Variants in CNTN4 observed in about 807,000 individuals in gnomAD.
The protein encoded by CNTN4 is contactin-4.
Under a neutral mutation model 122.5 loss-of-function variants are expected in CNTN4, and 77 were observed. The ratio of observed to expected loss-of-function variants is 0.63; its 90% CI spans 0.52 to 0.76. CNTN4 has a LOEUF of 0.76. CNTN4 is among the 30% of genes least tolerant of loss of function. The probability of loss-of-function intolerance (pLI) is 0.00; values close to 1 mark genes in which losing one functional copy is unlikely to be tolerated. For missense variants in CNTN4, 1,256 were observed against 1,259.1 expected (o/e 1.00, Z 0.04); for synonymous variants, 512 against 447.0 (o/e 1.15, Z -1.83).
chr3:2,429,822 C>A (rs966192330), intron 3 of CNTN4, among the ~76,000 whole-genome samples: 2 of 152,180 alleles, frequency 1.3e-5, no homozygotes, highest in African/African-American at 4.8e-5. Context: ...CCTTGCAGTT[C>A]CATCTCAGAC....
intron 3 of CNTN4, among the ~76,000 whole-genome samples, chr3:2,379,363 G>C (rs1299921590): frequency 6.6e-6 from 1 of 151,854 alleles, no homozygotes; most frequent in African/African-American, 2.4e-5. Flanking sequence ...TTATAGAAGG[G>C]AAAACTATAA....
chr3:2,180,071 A>G (rs1427226555), intron 2 of CNTN4, among the ~76,000 whole-genome samples: 1 of 151,966 alleles, frequency 6.6e-6, no homozygotes, highest in East Asian at 1.9e-4. Context: ...TAGATGGTGC[A>G]TATATGTTGA....
At chr3:2,727,709 A>G (rs72545858) in intron 4 of CNTN4, among the ~76,000 whole-genome samples, 3 of 152,224 alleles carry the variant, frequency 2.0e-5, no homozygotes, top group African/African-American at 7.2e-5. Context: ...TATGTGTGGG[A>G]CAAATGCATG....
intron 3 of CNTN4, among the ~76,000 whole-genome samples, chr3:2,422,825 G>T (rs2047663272): frequency 6.6e-6 from 1 of 152,152 alleles, no homozygotes; most frequent in African/African-American, 2.4e-5. Context: ...ATCACATGTA[G>T]ACATGGAGGG....
chr3:2,932,848 A>G (rs1577321295), intron 13 of CNTN4, among the ~76,000 whole-genome samples: 1 of 151,868 alleles, frequency 6.6e-6, no homozygotes, highest in African/African-American at 2.4e-5. Context: ...TTAGAGACGG[A>G]GTCTCGCTCT....
intron 4 of CNTN4, among the ~76,000 whole-genome samples, chr3:2,611,905 A>G (rs2081508033): frequency 6.6e-6 from 1 of 152,086 alleles, no homozygotes; most frequent in African/African-American, 2.4e-5. Context: ...TTTGATTGCA[A>G]TAAACTTATG....
At chr3:2,449,167 C>T (rs1159535504) in intron 3 of CNTN4, among the ~76,000 whole-genome samples, 1 of 152,056 alleles carries the variant, frequency 6.6e-6, no homozygotes, top group African/African-American at 2.4e-5. Context: ...ATTTAAAAGA[C>T]AGAAAAATAA....
chr3:2,797,869 T>C (rs904490893), intron 6 of CNTN4, among the ~76,000 whole-genome samples: 1 of 151,868 alleles, frequency 6.6e-6, no homozygotes, highest in Non-Finnish European at 1.5e-5. Flanking sequence ...TTGCTTCATG[T>C]CTTTTATTTT....
intron 3 of CNTN4, among the ~76,000 whole-genome samples, chr3:2,405,637 A>G (rs959659592): frequency 2.0e-5 from 3 of 149,450 alleles, no homozygotes; most frequent in Non-Finnish European, 4.5e-5. Context: ...ATAGATAGAT[A>G]GGAGTCAAGG....
At chr3:2,875,673 C>G (rs1226374174) in intron 8 of CNTN4, among the ~76,000 whole-genome samples, 1 of 152,042 alleles carries the variant, frequency 6.6e-6, no homozygotes, top group Non-Finnish European at 1.5e-5. Context: ...CTTTGTTAAC[C>G]CTTGACAAAA....
At chr3:2,436,945 T>C (rs1454360219) in intron 3 of CNTN4, among the ~76,000 whole-genome samples, 1 of 151,810 alleles carries the variant, frequency 6.6e-6, no homozygotes, top group Non-Finnish European at 1.5e-5. Context: ...GAACTATACT[T>C]TCCTTCTTTT....
At chr3:2,417,087 T>C (rs1277826301) in intron 3 of CNTN4, among the ~76,000 whole-genome samples, 1 of 152,252 alleles carries the variant, frequency 6.6e-6, no homozygotes, top group East Asian at 1.9e-4. Flanking sequence ...GTGTGGGACA[T>C]GCTGCCCGCT....
At chr3:2,645,364 C>T (rs150751212) in intron 4 of CNTN4, among the ~76,000 whole-genome samples, 2 of 152,326 alleles carry the variant, frequency 1.3e-5, no homozygotes, top group African/African-American at 4.8e-5. Flanking sequence ...ACTTAGACGT[C>T]TGCACTTACA....
At chr3:2,657,171 A>G (rs565513174) in intron 4 of CNTN4, among the ~76,000 whole-genome samples, 18 of 152,338 alleles carry the variant, frequency 1.2e-4, no homozygotes, top group African/African-American at 4.3e-4. Context: ...TTCTAAGGGT[A>G]GAAAGTGTCT....
At chr3:2,781,945 G>T (rs537866371) in intron 6 of CNTN4, among the ~76,000 whole-genome samples, 4 of 148,350 alleles carry the variant, frequency 2.7e-5, no homozygotes, top group Admixed American at 1.4e-4. Context: ...GGATGGTCTC[G>T]ATCTCCTGAC....
intron 2 of CNTN4, among the ~76,000 whole-genome samples, chr3:2,120,764 G>T (rs371515620): frequency 2.6e-5 from 4 of 152,022 alleles, no homozygotes; most frequent in African/African-American, 9.6e-5. Context: ...GCTAAGGCTG[G>T]CTCATCAATA....
At chr3:2,817,343 G>A (rs1405603835) in intron 6 of CNTN4, among the ~76,000 whole-genome samples, 1 of 151,830 alleles carries the variant, frequency 6.6e-6, no homozygotes, top group Non-Finnish European at 1.5e-5. Context: ...CAGCTAATAA[G>A]TGGCAGAGAT....
chr3:2,471,008 A>G (rs1440047926), intron 3 of CNTN4, among the ~76,000 whole-genome samples: 1 of 152,142 alleles, frequency 6.6e-6, no homozygotes, highest in Non-Finnish European at 1.5e-5. Flanking sequence ...GTTACATAAG[A>G]CTCTGTATAC....
At chr3:2,987,202 G>C (rs1162063919) in intron 13 of CNTN4, among the ~76,000 whole-genome samples, 1 of 152,168 alleles carries the variant, frequency 6.6e-6, no homozygotes, top group African/African-American at 2.4e-5. Context: ...TGTGACTAGA[G>C]TTCATCGAAG....
Sources: allele counts gnomAD v4.1 joint callset (sites outside exome capture counted in the v4.1 genomes callset), GRCh38; gene constraint gnomAD v4.1.1; transcripts MANE v1.5; gene names NCBI Gene and HGNC (gene_info 2026-07-23, HGNC 2026-07-21).